SPHKAP: variants seen among roughly 807,000 people sequenced by gnomAD.
The protein encoded by SPHKAP is A-kinase anchor protein SPHKAP.
A neutral mutation model predicts 137.5 loss-of-function variants in SPHKAP; 67 were observed. The ratio of observed to expected loss-of-function variants is 0.49; its 90% CI spans 0.40 to 0.60. The LOEUF (loss-of-function observed/expected upper bound fraction) is 0.60, where lower values mean the gene tolerates loss of function less well. Among genes scored for constraint, SPHKAP ranks in the 20% least tolerant of loss-of-function variants. The pLI, the probability that SPHKAP is intolerant of heterozygous loss-of-function variation, is 0.00. For missense variants in SPHKAP, 2,097 were observed against 2,069.3 expected, an observed-to-expected ratio of 1.01 and a Z score of -0.26; for synonymous variants, 813 against 785.3, an observed-to-expected ratio of 1.04 and a Z score of -0.59.
chr2:228,174,425 G>A (rs747171220), intron 1 of SPHKAP, among the ~76,000 whole-genome samples: 4 of 152,072 alleles, frequency 2.6e-5, no homozygotes, highest in Admixed American at 6.6e-5. Flanking sequence ...AAATGTACTG[G>A]CATTAGAAAA....
intron 5 of SPHKAP, among the ~76,000 whole-genome samples, chr2:228,023,967 C>T (rs907554283): frequency 6.6e-6 from 1 of 152,168 alleles, no homozygotes; most frequent in African/African-American, 2.4e-5. Context: ...TCACTCTTTC[C>T]CGACTTGAAC....
Position 228,154,409 on chromosome 2 carries a change from T to C in SPHKAP, c.33-22324A>G, listed in dbSNP as rs1224009262. ...TTAGTTAAAAATGGTAGTTTTAATT[T>C]GGACAGCACTTTAGAACTTAGAATA... On this transcript the variant is annotated intron_variant, in intron 1 of 11. Transcript: ENST00000392056. Among the ~76,000 whole-genome samples the C allele has an allele frequency of 6.0e-5, 9 of 149,472 alleles. No individual in the cohort carries two copies. The South Asian group carries it at 1.1e-3, about 18-fold the overall frequency.
chr2:228,092,553 T>TATAC (rs200581448), intron 3 of SPHKAP, among the ~76,000 whole-genome samples: 46 of 104,330 alleles, frequency 4.4e-4, no homozygotes, highest in African/African-American at 1.3e-3. Flanking sequence ...CATATATATG[T>TATAC]GTATATGTGC....
At position 228,019,898 on chromosome 2, in the gene SPHKAP, G is replaced by C; in HGVS notation, c.956C>G (p.Ala319Gly). 6.2e-7 allele frequency: 1 copy of C among 1,614,190 alleles called. No individual in the cohort carries two copies. The highest frequency in any genetic ancestry group is 8.5e-7 in the Non-Finnish European group (1 of 1,180,026). Residue 319 changes from alanine (A) to glycine (G), a missense_variant, in exon 7 of 12, where the codon GCC becomes GGC. Transcript: ENST00000392056. ...KREAVGNGRQ[A>G]THYYHSEAFK... ...AGCTTCTGAATGATAATAATGTGTG[G>C]CTTGTCTCCCATTCCCCACAGCTTC...
intron 1 of SPHKAP, among the ~76,000 whole-genome samples, chr2:228,151,077 T>C: frequency 7.2e-6 from 1 of 137,940 alleles, no homozygotes; most frequent in Admixed American, 8.0e-5. Flanking sequence ...ATGCTATCCC[T>C]CCCCGCTCCC....
At chr2:228,028,047 T>A in intron 3 of SPHKAP, 1 of 985,252 alleles carries the variant, frequency 1.0e-6, no homozygotes, top group African/African-American at 1.7e-5. Context: ...CCTGCTCAGC[T>A]TCCCACTGGT....
intron 11 of SPHKAP, among the ~76,000 whole-genome samples, chr2:227,988,170 G>C (rs1693285601): frequency 6.6e-6 from 1 of 152,108 alleles, no homozygotes; most frequent in East Asian, 1.9e-4. Flanking sequence ...TCAAAATGTT[G>C]CTTAAGGGTT....
At chr2:228,151,929 G>A (rs1699946771) in intron 1 of SPHKAP, among the ~76,000 whole-genome samples, 1 of 152,000 alleles carries the variant, frequency 6.6e-6, no homozygotes, top group South Asian at 2.1e-4. Context: ...TTGAAATGTG[G>A]AATTTTTATT....
intron 1 of SPHKAP, among the ~76,000 whole-genome samples, chr2:228,174,252 A>C (rs1339107058): frequency 6.6e-6 from 1 of 152,220 alleles, no homozygotes; most frequent in Non-Finnish European, 1.5e-5. Context: ...AGATATTCAG[A>C]AAGAAAGTGA....
At chr2:227,996,612 CT>C (rs1693649415) in intron 7 of SPHKAP, among the ~76,000 whole-genome samples, 1 of 152,180 alleles carries the variant, frequency 6.6e-6, no homozygotes, top group South Asian at 2.1e-4. Context: ...TTCTGGGCTC[CT>C]TTACAAGCGG....
rs1693615590 is a variant in SPHKAP at position 227,995,703 on chromosome 2, G to A, written c.4449-9C>T. 6 of 1,563,404 alleles carry A rather than the reference G, an allele frequency of 3.8e-6. No homozygotes were observed. In the Admixed American group the frequency reaches 1.2e-4, roughly 31 times the overall value. On this transcript the variant is annotated splice_polypyrimidine_tract_variant and intron_variant, in intron 7 of 11. Coordinates refer to ENST00000392056, the MANE Select transcript of SPHKAP (RefSeq NM_001142644.2). ...TGGTATCAAGGCTGTCACTGTAGAG[G>A]GCAAGATATTATTACCAAGAGAGGC...
intron 7 of SPHKAP, among the ~76,000 whole-genome samples, chr2:228,014,334 G>T (rs1299355600): frequency 6.6e-6 from 1 of 152,244 alleles, no homozygotes; most frequent in South Asian, 2.1e-4. Context: ...GAATTCTAAA[G>T]AATTACACAT....
chr2:227,987,944 GA>G (rs1159232446), intron 11 of SPHKAP, among the ~76,000 whole-genome samples: 26 of 152,172 alleles, frequency 1.7e-4, no homozygotes, highest in African/African-American at 6.3e-4. Context: ...GTGACAGTGG[GA>G]AGATGACATT....
At chr2:228,180,667 G>A (rs1700880172) in intron 1 of SPHKAP, among the ~76,000 whole-genome samples, 1 of 152,194 alleles carries the variant, frequency 6.6e-6, no homozygotes, top group African/African-American at 2.4e-5. Flanking sequence ...TTGGCTCCCG[G>A]CGCGAGCGCT....
At chr2:228,152,522 A>T (rs1286106782) in intron 1 of SPHKAP, among the ~76,000 whole-genome samples, 1 of 151,730 alleles carries the variant, frequency 6.6e-6, no homozygotes, top group Non-Finnish European at 1.5e-5. Flanking sequence ...ATTTTGTTTA[A>T]TTTTTTTAAA....
At chr2:228,171,908 C>G (rs1426002762) in intron 1 of SPHKAP, among the ~76,000 whole-genome samples, 3 of 152,102 alleles carry the variant, frequency 2.0e-5, no homozygotes, top group African/African-American at 4.8e-5. Flanking sequence ...CCCCTGAAGT[C>G]CTAGCACAGA....
In SPHKAP at chr2:228,019,113, A is replaced by G. The variant is rs370444191; in HGVS notation, c.1741T>C (p.Cys581Arg). The stretch of plus-strand genomic sequence containing the variant: ...AGGCTACCACTTGGAGCCACTGAGC[A>G]TGTCACCTCTTCTCTTTCACCCAGA... ...CGLGEREEVT[C>R]SVAPSGSLPP... The change falls in exon 7 of 12, where the codon TGC (cysteine) becomes CGC (arginine). Residue 581 changes from cysteine (C) to arginine (R), a missense_variant. Physicochemically the swap from Cys to Arg is radical, Grantham distance 180 (BLOSUM62 -3). Transcript: ENST00000392056. 16 of 1,613,940 alleles carry G rather than the reference A, an allele frequency of 9.9e-6. No individual in the cohort carries two copies. The highest frequency in any genetic ancestry group is 1.3e-5 in the Non-Finnish European group (15 of 1,180,036).
chr2:228,153,134 A>T (rs1699988767), intron 1 of SPHKAP, among the ~76,000 whole-genome samples: 1 of 152,146 alleles, frequency 6.6e-6, no homozygotes, highest in African/African-American at 2.4e-5. Context: ...TGAGTCAATT[A>T]AACCTCTTTT....
intron 11 of SPHKAP, among the ~76,000 whole-genome samples, chr2:227,986,936 T>C (rs776017537): frequency 3.3e-5 from 5 of 152,216 alleles, no homozygotes; most frequent in Non-Finnish European, 5.9e-5. Context: ...GTGTCTTTTA[T>C]TGGCCTTGGA....
Sources: gnomAD v4.1 joint callset for allele counts (sites outside exome capture counted in the v4.1 genomes callset) on GRCh38, gnomAD v4.1.1 for gene constraint, MANE v1.5 for transcripts, NCBI Gene and HGNC (gene_info 2026-07-23, HGNC 2026-07-21) for gene names.